Variants in ZSCAN5A observed in about 807,000 individuals in gnomAD.
The protein encoded by ZSCAN5A is zinc finger and SCAN domain containing 5A.
In ZSCAN5A, 12 loss-of-function variants were observed where a neutral mutation model predicts 23.7. The ratio of observed to expected loss-of-function variants is 0.51; its 90% CI spans 0.32 to 0.82. ZSCAN5A has a LOEUF of 0.82. Among genes scored for constraint, ZSCAN5A ranks in the 40% least tolerant of loss-of-function variants. The pLI is 0.03. For synonymous variants in ZSCAN5A, 257 were observed against 239.9 expected (o/e 1.07, Z -0.66); for missense variants, 597 against 617.9 (o/e 0.97, Z 0.36).
chr19:56,267,394 A>G (rs1431269799), intron 2 of ZSCAN5A, among the ~76,000 whole-genome samples: 3 of 152,110 alleles, frequency 2.0e-5, no homozygotes, highest in African/African-American at 7.2e-5. Flanking sequence ...TAGTCTATTA[A>G]GGCTGAGAGG....
chr19:56,365,066 A>G lies in ZSCAN5A; in HGVS notation c.-521-1668T>C, dbSNP rs1437122460. 3.9e-5 allele frequency: 6 copies of G among 152,296 alleles called. No homozygotes were observed. In the East Asian group the frequency reaches 1.2e-3, roughly 29 times the overall value. The allele number at this position is 152,296 out of a possible 1,614,324, so 9.4% of individuals were successfully genotyped here. On this transcript the variant is annotated intron_variant, in intron 1 of 6. Transcript: ENST00000587340. Reference sequence around the variant, plus strand: ...AAAGAAAACATCCATTCCTGGAAACAGAACAGACACATCACACATAAACAA... The same window carrying G: ...AAAGAAAACATCCATTCCTGGAAACGGAACAGACACATCACACATAAACAA...
intron 2 of ZSCAN5A, among the ~76,000 whole-genome samples, chr19:56,260,983 G>T (rs1001050915): frequency 6.6e-6 from 1 of 152,072 alleles, no homozygotes; most frequent in Non-Finnish European, 1.5e-5. Flanking sequence ...CGAGGCGGGT[G>T]GATCATCTGA....
At chr19:56,307,565 ACGTTACTCT>A (rs2147335108) in intron 2 of ZSCAN5A, among the ~76,000 whole-genome samples, 1 of 152,326 alleles carries the variant, frequency 6.6e-6, no homozygotes, top group East Asian at 1.9e-4. Flanking sequence ...CTGCTGTCTT[ACGTTACTCT>A]CTTTTACCCC....
Position 56,299,844 on chromosome 19 carries a change from G to A in ZSCAN5A, c.-128+13439C>T, listed in dbSNP as rs1486327526. The A allele has an allele frequency of 7.2e-5, 11 of 152,274 alleles. No individual in the cohort carries two copies. The East Asian group carries it at 1.5e-3, about 21-fold the overall frequency. The allele number at this position is 152,274 out of a possible 1,614,324, so 9.4% of individuals were successfully genotyped here. The stretch of plus-strand genomic sequence containing the variant: ...TGGGTCCTCAGATGCAGAGTCCAGC[G>A]ACACAGAGGGCTGAGGGTGTAGAAC... On this transcript the variant is annotated intron_variant, in intron 2 of 5. Transcript: ENST00000683990.
intron 2 of ZSCAN5A, chr19:56,284,247 C>G (rs2038935257): frequency 1.1e-6 from 1 of 926,104 alleles, no homozygotes; most frequent in East Asian, 1.2e-4. Context: ...AGACTGTGCA[C>G]TTTGGCGGGA....
At chr19:56,365,596 A>G (rs929874180) in intron 1 of ZSCAN5A, 2 of 152,228 alleles carry the variant, frequency 1.3e-5, no homozygotes, top group African/African-American at 4.8e-5. Context: ...ACAACAAATA[A>G]AAAGCTGAAC....
chr19:56,223,829 C>A lies in ZSCAN5A; in HGVS notation c.390G>T (p.Val130=), dbSNP rs1368883049. Residue 130 remains valine, a synonymous_variant, in exon 4 of 6, where the codon GTG becomes GTT. Coordinates refer to ENST00000683990, the MANE Select transcript of ZSCAN5A (RefSeq NM_001322064.3). The stretch of plus-strand genomic sequence containing the variant: ...TATATTCCTTTCCGTGGAAGGTGAC[C>A]ACAGACTGTAGAGAGAAAAAAGACA... The part of the protein sequence containing the change: ...RNNRRPKKWS[V]VTFHGKEYIV... 8 of 1,610,940 alleles carry A rather than the reference C, an allele frequency of 5.0e-6. No homozygotes were observed. In the African/African-American group the frequency reaches 6.7e-5, roughly 13 times the overall value.
intron 2 of ZSCAN5A, among the ~76,000 whole-genome samples, chr19:56,237,966 G>GACACACGGACACAC: frequency 9.1e-4 from 48 of 52,602 alleles, no homozygotes; most frequent in South Asian, 2.2e-3. Flanking sequence ...TTTCACCACA[G>GACACACGGACACAC]ACACACGGAC....
At position 56,224,901 on chromosome 19, in the gene ZSCAN5A, A is replaced by G; in HGVS notation, c.146T>C (p.Met49Thr). 6.2e-7 allele frequency: 1 copy of G among 1,614,172 alleles called. No individual in the cohort carries two copies. Among genetic ancestry groups the G allele is most frequent in the Non-Finnish European group, 8.5e-7 (1 of 1,180,034 alleles). The change falls in exon 3 of 6, where the codon ATG becomes ACG. Residue 49 changes from methionine (M) to threonine (T), a missense_variant. This residue lies in a region of ZSCAN5A where 72 missense variants were observed against 76.8 expected (regional missense o/e 0.94). Transcript: ENST00000683990. ...GTCCGACTCCTTCGGGCAGCTGAAC[A>G]TCCTGAAGTTCACGTGAGAAATCTC... Reference protein sequence around the residue: ...DPEISHVNFRMFSCPKESDPI... With the variant: ...DPEISHVNFRTFSCPKESDPI...
chr19:56,307,245 C>T (rs954360119), intron 2 of ZSCAN5A, among the ~76,000 whole-genome samples: 6 of 152,236 alleles, frequency 3.9e-5, no homozygotes, highest in Non-Finnish European at 7.3e-5. Context: ...CATCCTCTCC[C>T]TGGCATCCCC....
chr19:56,255,250 A>T lies in ZSCAN5A; in HGVS notation c.-127-30077T>A, dbSNP rs949357923. On this transcript the variant is annotated intron_variant, in intron 2 of 5. Coordinates refer to ENST00000683990, the MANE Select transcript of ZSCAN5A (RefSeq NM_001322064.3). ...GAATAATATTTAGATAGTCCAAAAA[A>T]TACACAAAGTGATATATAACCTACA... is the stretch of plus-strand genomic sequence containing the variant. 6.6e-5 allele frequency among the ~76,000 whole-genome samples: 10 copies of T among 152,136 alleles called. 1 individual carries two copies. The highest frequency in any genetic ancestry group is 2.2e-4 in the African/African-American group (9 of 41,414).
chr19:56,364,173 T>C (rs2147471590), intron 1 of ZSCAN5A, among the ~76,000 whole-genome samples: 1 of 152,230 alleles, frequency 6.6e-6, no homozygotes, highest in African/African-American at 2.4e-5. Flanking sequence ...AAAAAATCCT[T>C]AAGTCAGGCA....
At chr19:56,285,343 T>C (rs965031327) in intron 2 of ZSCAN5A, among the ~76,000 whole-genome samples, 2 of 152,254 alleles carry the variant, frequency 1.3e-5, no homozygotes, top group Admixed American at 1.3e-4. Flanking sequence ...CTCTGCTCTC[T>C]AGAAGCAAGC....
chr19:56,259,420 T>C (rs1020155495), intron 2 of ZSCAN5A, among the ~76,000 whole-genome samples: 8 of 152,170 alleles, frequency 5.3e-5, no homozygotes, highest in African/African-American at 1.9e-4. Context: ...ACGATTTCCC[T>C]GGGATCTCAG....
chr19:56,230,877 T>G (rs2146485447), intron 2 of ZSCAN5A, among the ~76,000 whole-genome samples: 1 of 152,288 alleles, frequency 6.6e-6, no homozygotes, highest in East Asian at 1.9e-4. Flanking sequence ...TCAGGCAAAA[T>G]CATTCACAGG....
chr19:56,280,893 C>A (rs1036585985), intron 2 of ZSCAN5A, among the ~76,000 whole-genome samples: 2 of 152,172 alleles, frequency 1.3e-5, no homozygotes, highest in African/African-American at 4.8e-5. Flanking sequence ...GGGGTACACA[C>A]TCAAACCATA....
At chr19:56,230,892 C>G (rs758998778) in intron 2 of ZSCAN5A, among the ~76,000 whole-genome samples, 10 of 152,132 alleles carry the variant, frequency 6.6e-5, no homozygotes, top group Non-Finnish European at 1.2e-4. Context: ...CACAGGAAAC[C>G]TATTTTATAA....
At chr19:56,276,037 T>C (rs970688421) in intron 2 of ZSCAN5A, among the ~76,000 whole-genome samples, 5 of 152,186 alleles carry the variant, frequency 3.3e-5, no homozygotes, top group African/African-American at 1.2e-4. Context: ...TGCTAATTTC[T>C]CTCTCTGCTC....
intron 2 of ZSCAN5A, among the ~76,000 whole-genome samples, chr19:56,273,305 T>C (rs2037993076): frequency 6.6e-6 from 1 of 152,190 alleles, no homozygotes; most frequent in Non-Finnish European, 1.5e-5. Flanking sequence ...GTTAGATAAT[T>C]CTAGTGAGAC....
Sources: gnomAD v4.1 joint callset for allele counts (sites outside exome capture counted in the v4.1 genomes callset) on GRCh38, gnomAD v4.1.1 for gene constraint, gnomAD v4.1.1 regional missense constraint, MANE v1.5 for transcripts, NCBI Gene and HGNC (gene_info 2026-07-23, HGNC 2026-07-21) for gene names.